Variants in UACA observed in about 807,000 individuals in gnomAD.
UACA encodes the protein uveal autoantigen with coiled-coil domains and ankyrin repeats.
A neutral mutation model predicts 160.5 loss-of-function variants in UACA; 112 were observed. That is an observed-to-expected ratio of 0.70 (90% confidence interval 0.60 to 0.82). The LOEUF (loss-of-function observed/expected upper bound fraction) is 0.82. Ranked by LOEUF, UACA falls within the 40% of genes least tolerant of loss-of-function variation. UACA has a pLI of 0.00. For synonymous variants in UACA, 557 were observed against 568.4 expected, an observed-to-expected ratio of 0.98 and a Z score of 0.29; for missense variants, 1,574 against 1,614.6, an observed-to-expected ratio of 0.97 and a Z score of 0.43.
chr15:70,718,236 G>C, intron 1 of UACA, among the ~76,000 whole-genome samples: 2 of 133,266 alleles, frequency 1.5e-5, no homozygotes, highest in Non-Finnish European at 3.2e-5. Flanking sequence ...AGGTGAGAGA[G>C]AGAGACAGAG....
chr15:70,737,187 T>C (rs934804335), intron 1 of UACA, among the ~76,000 whole-genome samples: 4 of 152,184 alleles, frequency 2.6e-5, no homozygotes, highest in Middle Eastern at 6.3e-3. Context: ...TGAAACCAAA[T>C]GTCTTAGGAA....
intron 1 of UACA, among the ~76,000 whole-genome samples, chr15:70,724,847 T>C (rs2140991007): frequency 6.6e-6 from 1 of 151,754 alleles, no homozygotes; most frequent in East Asian, 1.9e-4. Context: ...CCAAAGAAAG[T>C]TACAAAGTTT....
intron 13 of UACA, among the ~76,000 whole-genome samples, chr15:70,672,681 AG>A (rs1897176895): frequency 6.6e-6 from 1 of 152,220 alleles, no homozygotes; most frequent in Admixed American, 6.5e-5. Context: ...AGAATAGGCC[AG>A]GCACAGTGGC....
chr15:70,747,000 G>A (rs1899726025), intron 1 of UACA, among the ~76,000 whole-genome samples: 1 of 152,052 alleles, frequency 6.6e-6, no homozygotes, highest in Non-Finnish European at 1.5e-5. Flanking sequence ...GCAGGCAAGG[G>A]GAAGGCTAGC....
chr15:70,764,311 G>A (rs1007025729), upstream of UACA, among the ~76,000 whole-genome samples: 4 of 152,124 alleles, frequency 2.6e-5, no homozygotes, highest in African/African-American at 9.7e-5. Flanking sequence ...CTTCAAAAAG[G>A]TTTTTTGTTT....
intron 1 of UACA, among the ~76,000 whole-genome samples, chr15:70,738,562 A>G (rs973810831): frequency 6.6e-6 from 1 of 152,134 alleles, no homozygotes; most frequent in Non-Finnish European, 1.5e-5. Context: ...GAGATCACTG[A>G]CAATAATCTC....
At chr15:70,760,953 A>C (rs1173137104) in intron 1 of UACA, among the ~76,000 whole-genome samples, 1 of 152,238 alleles carries the variant, frequency 6.6e-6, no homozygotes, top group Non-Finnish European at 1.5e-5. Flanking sequence ...GCATGAAAGG[A>C]AACTTGACAA....
At chr15:70,768,526 C>G (rs2031069603), upstream of UACA, among the ~76,000 whole-genome samples, 1 of 152,096 alleles carries the variant, frequency 6.6e-6, no homozygotes, top group Non-Finnish European at 1.5e-5. Flanking sequence ...CCAGAAGTAC[C>G]CTTAGCTTCA....
intron 16 of UACA, among the ~76,000 whole-genome samples, chr15:70,665,314 AG>A (rs1262577221): frequency 6.6e-6 from 1 of 152,252 alleles, no homozygotes; most frequent in Non-Finnish European, 1.5e-5. Flanking sequence ...TTATAGGAAT[AG>A]GAAGTGCCTA....
upstream of UACA, among the ~76,000 whole-genome samples, chr15:70,767,248 AAAAAAAAACAAAAAACAAAAACAAAAAC>A (rs1227535076): frequency 7.2e-6 from 1 of 138,582 alleles, no homozygotes; most frequent in African/African-American, 3.1e-5. Context: ...TCAAAAAAAA[AAAAAAAAACAAAAAACAAAAACAAAAAC>A]AACAACAATA....
intron 1 of UACA, among the ~76,000 whole-genome samples, chr15:70,721,050 C>A (rs930400343): frequency 1.3e-5 from 2 of 152,144 alleles, no homozygotes; most frequent in Non-Finnish European, 2.9e-5. Flanking sequence ...GCTGACAAAC[C>A]ACCAAGATTT....
In UACA at chr15:70,728,808, T is replaced by C. The variant is rs1899228034; in HGVS notation, c.79-29148A>G. The stretch of plus-strand genomic sequence containing the variant: ...AACTATGTATCCAACAAAGGTTTAA[T>C]ATACTAAATCTATATGTAACTTAAT... On this transcript the variant is annotated intron_variant, in intron 1 of 18. Transcript: ENST00000322954. Among the ~76,000 whole-genome samples, 3 of 151,444 alleles carry C rather than the reference T, an allele frequency of 2.0e-5. No individual in the cohort carries two copies. In the South Asian group the frequency reaches 6.4e-4, roughly 32 times the overall value.
chr15:70,709,336 T>A (rs1224573442), intron 1 of UACA, among the ~76,000 whole-genome samples: 4 of 152,190 alleles, frequency 2.6e-5, no homozygotes, highest in Non-Finnish European at 5.9e-5. Context: ...CAAAATATAG[T>A]TGTTTCTAGA....
At chr15:70,773,060 AAAAG>A in the UACA span, among the ~76,000 whole-genome samples, 2 of 152,004 alleles carry the variant, frequency 1.3e-5, no homozygotes, top group African/African-American at 2.4e-5. Flanking sequence ...AAAAAAAAAG[AAAAG>A]AAAGAAAGAA....
Position 70,682,762 on chromosome 15 carries a change from T to G in UACA, c.818A>C (p.Gln273Pro). The G allele has an allele frequency of 6.4e-7, 1 of 1,558,026 alleles. No individual in the cohort carries two copies. Among genetic ancestry groups the G allele is most frequent in the Non-Finnish European group, 8.7e-7 (1 of 1,152,748 alleles). ...AAAATTAAAATTAATATCTACCTGT[T>G]GCAAAGATGGCCCTTTCTTCCAAAG... ...RELWKKGPSL[Q>P]QRNLTHMQDE... Residue 273 changes from glutamine to proline, a missense_variant, in exon 9 of 19, where the codon CAA (glutamine) becomes CCA (proline). By Grantham distance (76) the Gln-to-Pro change is moderately conservative (BLOSUM62 -1). Coordinates refer to ENST00000322954, the MANE Select transcript of UACA (RefSeq NM_018003.4).
chr15:70,722,354 G>C (rs1163146248), intron 1 of UACA, among the ~76,000 whole-genome samples: 2 of 150,980 alleles, frequency 1.3e-5, no homozygotes, highest in Non-Finnish European at 2.9e-5. Flanking sequence ...ATCTCACTGT[G>C]TTGCCCAGTC....
chr15:70,713,828 T>A (rs527870265), intron 1 of UACA, among the ~76,000 whole-genome samples: 2 of 152,240 alleles, frequency 1.3e-5, no homozygotes, highest in South Asian at 4.1e-4. Context: ...ATAGATATCT[T>A]ATATACCTCA....
At chr15:70,703,646 A>G (rs1898442110) in intron 1 of UACA, among the ~76,000 whole-genome samples, 1 of 152,184 alleles carries the variant, frequency 6.6e-6, no homozygotes, top group African/African-American at 2.4e-5. Flanking sequence ...AGCAAAGGCG[A>G]AGGAAGAGGG....
intron 4 of UACA, among the ~76,000 whole-genome samples, chr15:70,690,973 T>A (rs917904036): frequency 5.9e-5 from 9 of 152,198 alleles, no homozygotes; most frequent in Non-Finnish European, 1.2e-4. Context: ...TTATCTGTGT[T>A]TGAATAGAAA....
Sources: allele counts gnomAD v4.1 joint callset (sites outside exome capture counted in the v4.1 genomes callset), GRCh38; gene constraint gnomAD v4.1.1; transcripts MANE v1.5; gene names NCBI Gene and HGNC (gene_info 2026-07-23, HGNC 2026-07-21).